Variants in STK32B observed in about 807,000 individuals in gnomAD.
STK32B encodes the protein serine/threonine kinase 32B.
Under a neutral mutation model 52.6 loss-of-function variants are expected in STK32B, and 43 were observed. The observed-to-expected ratio is 0.82, with a 90% CI of 0.64 to 1.05. The LOEUF is 1.05. Among genes scored for constraint, STK32B ranks in the 50% least tolerant of loss-of-function variants. The pLI is 0.00. For missense variants in STK32B, 621 were observed against 534.6 expected, an observed-to-expected ratio of 1.16 and a Z score of -1.59; for synonymous variants, 238 against 204.3, an observed-to-expected ratio of 1.17 and a Z score of -1.41.
At chr4:5,123,148 CT>C (rs1449758954) in intron 1 of STK32B, among the ~76,000 whole-genome samples, 1 of 152,182 alleles carries the variant, frequency 6.6e-6, no homozygotes, top group East Asian at 1.9e-4. Flanking sequence ...TCCCTGAGGC[CT>C]TGCTGTCCAT....
intron 3 of STK32B, among the ~76,000 whole-genome samples, chr4:5,171,347 A>G (rs1488663362): frequency 6.6e-6 from 1 of 151,910 alleles, no homozygotes. Flanking sequence ...TTTTGTTGCC[A>G]TTGCTTTTGG....
At chr4:5,137,768 A>G (rs1716159929) in intron 1 of STK32B, among the ~76,000 whole-genome samples, 1 of 152,206 alleles carries the variant, frequency 6.6e-6, no homozygotes, top group Admixed American at 6.5e-5. Context: ...TCTAAGGAAA[A>G]AAATGGTTAG....
Position 5,195,433 on chromosome 4 carries a change from C to T in STK32B, c.260+26983C>T, listed in dbSNP as rs577587686. On this transcript the variant is annotated intron_variant, in intron 3 of 11. Transcript: ENST00000282908. ...ATGGGCCGGGTGCAGTGGCTCATGT[C>T]AGTAATCCCAGCACTTTGGGAGGCC... Among the ~76,000 whole-genome samples, 2 of 152,280 alleles carry T rather than the reference C, an allele frequency of 1.3e-5. 1 individual carries two copies. Among genetic ancestry groups the T allele is most frequent in the African/African-American group, 4.8e-5 (2 of 41,562 alleles).
chr4:5,249,177 G>A (rs556127424), intron 3 of STK32B, among the ~76,000 whole-genome samples: 3 of 152,262 alleles, frequency 2.0e-5, no homozygotes, highest in Admixed American at 6.5e-5. Flanking sequence ...CTACAGGCAA[G>A]CATTTTACTG....
At chr4:5,319,732 G>A (rs1433318694) in intron 3 of STK32B, among the ~76,000 whole-genome samples, 1 of 152,180 alleles carries the variant, frequency 6.6e-6, no homozygotes, top group East Asian at 1.9e-4. Context: ...TAGTTCAGAA[G>A]AAAGAGATTT....
Position 5,403,476 on chromosome 4 carries a change from C to A in STK32B, c.472+5232C>A, listed in dbSNP as rs987277174. Reference sequence around the variant, plus strand: ...CCCTGATGCTTCCCTGTCTCCCCTGCCCATGACATAGCCTGCGCCCTATTC... The same window carrying A: ...CCCTGATGCTTCCCTGTCTCCCCTGACCATGACATAGCCTGCGCCCTATTC... On this transcript the variant is annotated intron_variant, in intron 5 of 11. Coordinates refer to ENST00000282908, the MANE Select transcript of STK32B (RefSeq NM_018401.3). 8.5e-5 allele frequency among the ~76,000 whole-genome samples: 13 copies of A among 152,320 alleles called. No individual in the cohort carries two copies. The East Asian group carries it at 1.4e-3, about 16-fold the overall frequency.
At chr4:5,417,331 A>T (rs574201281) in intron 6 of STK32B, among the ~76,000 whole-genome samples, 1 of 152,276 alleles carries the variant, frequency 6.6e-6, no homozygotes, top group African/African-American at 2.4e-5. Flanking sequence ...ATGGTTTTTT[A>T]AGGAATTTTT....
intron 1 of STK32B, among the ~76,000 whole-genome samples, chr4:5,093,640 C>T (rs995641880): frequency 6.6e-5 from 10 of 152,000 alleles, no homozygotes; most frequent in Non-Finnish European, 1.5e-4. Flanking sequence ...TGCAACACAC[C>T]AACATGGCAC....
intron 4 of STK32B, among the ~76,000 whole-genome samples, chr4:5,341,185 G>A (rs189757654): frequency 3.3e-5 from 5 of 152,310 alleles, no homozygotes; most frequent in African/African-American, 4.8e-5. Context: ...CCAGAGGAAG[G>A]CACTGTTACC....
At chr4:5,342,120 C>T (rs1006206938) in intron 4 of STK32B, among the ~76,000 whole-genome samples, 1 of 152,126 alleles carries the variant, frequency 6.6e-6, no homozygotes, top group African/African-American at 2.4e-5. Flanking sequence ...CCAGTTCAAC[C>T]ATTATGGAAG....
Position 5,396,007 on chromosome 4 carries a change from A to T in STK32B, c.435-2200A>T, listed in dbSNP as rs574535729. On this transcript the variant is annotated intron_variant, in intron 4 of 11. Coordinates refer to ENST00000282908, the MANE Select transcript of STK32B (RefSeq NM_018401.3). This position sits in a 1 kb window ranked among gnomAD's most constrained non-coding sequence, Gnocchi z 4.7. ...CTTGTCCAAGGCCATGCTGTCATTA[A>T]TGGGGCCCTAGCTGCCCTTTGAGGT... Among the ~76,000 whole-genome samples, 3 of 152,210 alleles carry T rather than the reference A, an allele frequency of 2.0e-5. No individual in the cohort carries two copies. The highest frequency in any genetic ancestry group is 1.3e-4 in the Admixed American group (2 of 15,280).
At chr4:5,020,801 T>C in the STK32B span, among the ~76,000 whole-genome samples, 4 of 152,298 alleles carry the variant, frequency 2.6e-5, no homozygotes, top group South Asian at 8.3e-4. Context: ...CCAGGCCAGC[T>C]GCCATTGGGA....
intron 3 of STK32B, among the ~76,000 whole-genome samples, chr4:5,226,539 C>T (rs1396150575): frequency 3.3e-5 from 5 of 152,142 alleles, no homozygotes; most frequent in African/African-American, 4.8e-5. Flanking sequence ...GTGAATTATC[C>T]CTTTGTCCAC....
chr4:5,302,209 T>TAAAAAA (rs202157359), intron 3 of STK32B, among the ~76,000 whole-genome samples: 6 of 138,654 alleles, frequency 4.3e-5, no homozygotes, highest in African/African-American at 1.8e-4. Flanking sequence ...ACAAAAATTG[T>TAAAAAA]AAAAAAAAAA....
intron 1 of STK32B, among the ~76,000 whole-genome samples, chr4:5,077,666 C>T (rs1213715701): frequency 2.0e-5 from 3 of 152,102 alleles, no homozygotes; most frequent in African/African-American, 7.2e-5. Context: ...GCCTAAGACA[C>T]CTGGCAGCTT....
chr4:5,166,421 A>G (rs1718873866), intron 2 of STK32B, among the ~76,000 whole-genome samples: 1 of 150,380 alleles, frequency 6.6e-6, no homozygotes, highest in Admixed American at 6.7e-5. Context: ...GAACCTCAGA[A>G]TGTGGCCTTC....
At chr4:5,203,169 A>T (rs1269162200) in intron 3 of STK32B, among the ~76,000 whole-genome samples, 1 of 152,202 alleles carries the variant, frequency 6.6e-6, no homozygotes, top group African/African-American at 2.4e-5. Flanking sequence ...ATAATGTATA[A>T]ATAGTGCAGC....
At chr4:5,468,947 G>T (rs1717646698) in intron 11 of STK32B, among the ~76,000 whole-genome samples, 1 of 152,060 alleles carries the variant, frequency 6.6e-6, no homozygotes, top group Non-Finnish European at 1.5e-5. Context: ...CTACTCGGGA[G>T]GCTGAGGCAG....
intron 2 of STK32B, among the ~76,000 whole-genome samples, chr4:5,152,064 G>A (rs1402161383): frequency 6.6e-6 from 1 of 152,164 alleles, no homozygotes; most frequent in Admixed American, 6.5e-5. Flanking sequence ...ACCTTCTGTG[G>A]AATCAGAGGT....
Sources: gnomAD v4.1 joint callset for allele counts (sites outside exome capture counted in the v4.1 genomes callset) on GRCh38, gnomAD v4.1.1 for gene constraint, Gnocchi (gnomAD v3.1) non-coding constraint, MANE v1.5 for transcripts, NCBI Gene and HGNC (gene_info 2026-07-23, HGNC 2026-07-21) for gene names.